PLAGL2: variants seen among roughly 807,000 people sequenced by gnomAD.
PLAGL2 encodes zinc finger protein PLAGL2.
Under a neutral mutation model 29.0 loss-of-function variants are expected in PLAGL2, and 7 were observed. That is an observed-to-expected ratio of 0.24 (90% CI 0.14 to 0.45). The LOEUF (loss-of-function observed/expected upper bound fraction) is 0.45, where lower values mean the gene tolerates loss of function less well. Ranked by LOEUF, PLAGL2 falls within the 20% of genes least tolerant of loss-of-function variation. The pLI is 0.99. For missense variants in PLAGL2, 454 were observed against 648.2 expected (o/e 0.70, Z 3.25); for synonymous variants, 234 against 266.0 (o/e 0.88, Z 1.17).
intron 2 of PLAGL2, among the ~76,000 whole-genome samples, chr20:32,201,707 G>A (rs1376283321): frequency 6.6e-6 from 1 of 152,220 alleles, no homozygotes; most frequent in Admixed American, 6.5e-5. Flanking sequence ...AATACTTTGG[G>A]GAGGCAACCC....
At position 32,193,623 on chromosome 20, in the gene PLAGL2, T is replaced by C. The variant is rs1274698527; in HGVS notation, c.*2829A>G. On this transcript the variant is annotated 3_prime_UTR_variant, in exon 3 of 3. Transcript: ENST00000246229. Reference sequence around the variant, plus strand: ...CATCACTTTTTTTCCTGGTCCCTCATTGGTCTTTGTCATATGCCATGGCTC... The same window carrying C: ...CATCACTTTTTTTCCTGGTCCCTCACTGGTCTTTGTCATATGCCATGGCTC... 1 of 152,278 alleles carries C rather than the reference T, an allele frequency of 6.6e-6. No homozygotes were observed. Among genetic ancestry groups the C allele is most frequent in the Non-Finnish European group, 1.5e-5 (1 of 68,122 alleles). 9.4% of individuals were successfully genotyped at this position (152,278 alleles called of 1,614,324 possible).
At position 32,193,321 on chromosome 20, in the gene PLAGL2, A is replaced by C. The variant is rs537402084; in HGVS notation, c.*3131T>G. ...CCAACTTAGGACAATATCTACGAGC[A>C]AAAAAGTAATCACACCTGCTTCCCG... is the stretch of plus-strand genomic sequence containing the variant. On this transcript the variant is annotated 3_prime_UTR_variant, in exon 3 of 3. Coordinates refer to ENST00000246229, the MANE Select transcript of PLAGL2 (RefSeq NM_002657.3). 2 of 152,298 alleles carry C rather than the reference A, an allele frequency of 1.3e-5. No homozygotes were observed. The highest frequency in any genetic ancestry group is 4.1e-4 in the South Asian group (2 of 4,826). The allele number at this position is 152,298 out of a possible 1,614,324, so 9.4% of individuals were successfully genotyped here.
At chr20:32,205,460 G>C (rs1048650735) in intron 1 of PLAGL2, among the ~76,000 whole-genome samples, 1 of 151,974 alleles carries the variant, frequency 6.6e-6, no homozygotes, top group Non-Finnish European at 1.5e-5. Flanking sequence ...GTATTATTAG[G>C]GCTCCATATC....
intron 2 of PLAGL2, among the ~76,000 whole-genome samples, chr20:32,199,689 T>C (rs2047248975): frequency 6.6e-6 from 1 of 151,842 alleles, no homozygotes; most frequent in Non-Finnish European, 1.5e-5. Flanking sequence ...CATGCAAAAA[T>C]TAGCGGGTGT....
intron 2 of PLAGL2, among the ~76,000 whole-genome samples, chr20:32,199,083 T>C (rs1338552472): frequency 1.3e-5 from 2 of 152,164 alleles, no homozygotes; most frequent in Non-Finnish European, 2.9e-5. Context: ...AGCTGTGTCA[T>C]TAACCTTGAT....
Position 32,196,336 on chromosome 20 carries a change from T to A in PLAGL2, c.*116A>T, listed in dbSNP as rs1244836638. The A allele has an allele frequency of 4.1e-6, 2 of 484,032 alleles. No homozygotes were observed. The highest frequency in any genetic ancestry group is 2.1e-5 in the African/African-American group (1 of 48,222). 30.0% of individuals were successfully genotyped at this position (484,032 alleles called of 1,614,324 possible). ...GTGCTCCTGTATACAGACACTGGAA[T>A]TTTTTTTTTTGAACCCAGCTCTGAA... On this transcript the variant is annotated 3_prime_UTR_variant, in exon 3 of 3. Transcript: ENST00000246229.
intron 2 of PLAGL2, among the ~76,000 whole-genome samples, chr20:32,199,923 C>T (rs1365070079): frequency 1.3e-5 from 2 of 152,106 alleles, no homozygotes; most frequent in Non-Finnish European, 2.9e-5. Flanking sequence ...AGAATCTAAG[C>T]ACTCCTGAGG....
At position 32,195,574 on chromosome 20, in the gene PLAGL2, G is replaced by A. The variant is rs1289347165; in HGVS notation, c.*878C>T. On this transcript the variant is annotated 3_prime_UTR_variant, in exon 3 of 3. Transcript: ENST00000246229. ...TTGCCTGTCTTCTGTGGATACCGCC[G>A]AGGCAGGCAGGAACAAATGCAGTCA... 3 of 152,676 alleles carry A rather than the reference G, an allele frequency of 2.0e-5. No homozygotes were observed. Among genetic ancestry groups the A allele is most frequent in the Non-Finnish European group, 2.9e-5 (2 of 68,064 alleles). The allele number at this position is 152,676 out of a possible 1,614,324, so 9.5% of individuals were successfully genotyped here. A position where few individuals can be genotyped will look rare whatever the true frequency, so the allele number is the denominator to read the frequency against.
At chr20:32,200,571 G>A (rs751402484) in intron 2 of PLAGL2, among the ~76,000 whole-genome samples, 3 of 151,604 alleles carry the variant, frequency 2.0e-5, no homozygotes, top group Admixed American at 6.6e-5. Flanking sequence ...CCTCTAATGC[G>A]AAAAGGATAA....
In PLAGL2 at chr20:32,197,564, G is replaced by C. The variant is rs774355442; in HGVS notation, c.379C>G (p.Leu127Val). ...TTCTTACCGCACTCAGAGCAGTGGA[G>C]GGCCTCTTTGTTAGGATCATGGGTC... ...LQTHDPNKEALHCSECGKNYN... is the reference protein window; with the variant it reads ...LQTHDPNKEAVHCSECGKNYN... The change falls in exon 3 of 3, where the codon CTC (leucine) becomes GTC (valine). Residue 127 changes from leucine (L) to valine (V), a missense_variant. Physicochemically the swap from Leu to Val is conservative, Grantham distance 32. This residue lies in a region of PLAGL2 where 111 missense variants were observed against 173.1 expected (regional missense o/e 0.64). Transcript: ENST00000246229. The surrounding 1 kb of genome is among the most constrained non-coding windows in gnomAD (Gnocchi z 6.6). 6 of 1,614,246 alleles carry C rather than the reference G, an allele frequency of 3.7e-6. No individual in the cohort carries two copies. The highest frequency in any genetic ancestry group is 5.1e-6 in the Non-Finnish European group (6 of 1,180,054).
At chr20:32,205,404 G>A (rs920889396) in intron 1 of PLAGL2, among the ~76,000 whole-genome samples, 2 of 151,988 alleles carry the variant, frequency 1.3e-5, no homozygotes, top group Admixed American at 6.6e-5. Context: ...CATCTCCTGG[G>A]CCAGAGTTCT....
At chr20:32,206,285 A>T (rs1011721972) in intron 1 of PLAGL2, among the ~76,000 whole-genome samples, 5 of 151,752 alleles carry the variant, frequency 3.3e-5, no homozygotes, top group African/African-American at 4.8e-5. Context: ...GTGGTGGGAG[A>T]ATTAAATTAC....
chr20:32,199,116 A>T (rs977471372), intron 2 of PLAGL2, among the ~76,000 whole-genome samples: 1 of 151,716 alleles, frequency 6.6e-6, no homozygotes, highest in Non-Finnish European at 1.5e-5. Context: ...AAAGGAGTCT[A>T]AAAAAAAGGC....
chr20:32,196,234 G>A lies in PLAGL2; in HGVS notation c.*218C>T. 1 of 391,086 alleles carries A rather than the reference G, an allele frequency of 2.6e-6. No individual in the cohort carries two copies. Among genetic ancestry groups the A allele is most frequent in the Non-Finnish European group, 4.5e-6 (1 of 221,522 alleles). 24.2% of individuals were successfully genotyped at this position (391,086 alleles called of 1,614,324 possible). A position where few individuals can be genotyped will look rare whatever the true frequency, so the allele number is the denominator to read the frequency against. ...AAGTAAATAATACCTGAAGTCCTAC[G>A]GTATGAGATCTTTTCACGGGGTTGG... On this transcript the variant is annotated 3_prime_UTR_variant, in exon 3 of 3. Transcript: ENST00000246229.
At position 32,197,367 on chromosome 20, in the gene PLAGL2, G is replaced by A. The variant is rs750351410; in HGVS notation, c.576C>T (p.Pro192=). 3 of 1,608,532 alleles carry A rather than the reference G, an allele frequency of 1.9e-6. No homozygotes were observed. Among genetic ancestry groups the A allele is most frequent in the South Asian group, 1.1e-5 (1 of 90,412 alleles). The change falls in exon 3 of 3, where the codon CCC becomes CCT. Residue 192 remains proline (P), a synonymous_variant. Transcript: ENST00000246229. The surrounding 1 kb of genome is among the most constrained non-coding windows in gnomAD (Gnocchi z 6.6). The part of the protein sequence containing the change: ...VAGGAKEKKH[P]CDHCDRRFYT... Reference sequence around the variant, plus strand: ...AGAACCGCCGGTCGCAGTGGTCACAGGGGTGCTTCTTCTCCTTGGCACCGC... The same window carrying A: ...AGAACCGCCGGTCGCAGTGGTCACAAGGGTGCTTCTTCTCCTTGGCACCGC...
rs1423020440 is a variant in PLAGL2 at position 32,195,260 on chromosome 20, CTCT to C, written c.*1189_*1191del. 2.6e-5 allele frequency: 4 copies of C among 152,582 alleles called. No individual in the cohort carries two copies. The highest frequency in any genetic ancestry group is 6.5e-5 in the Admixed American group (1 of 15,288). The allele number at this position is 152,582 out of a possible 1,614,324, so 9.5% of individuals were successfully genotyped here. A position where few individuals can be genotyped will look rare whatever the true frequency, so the allele number is the denominator to read the frequency against. ...CTACCCATTCCTAACCTTCTGCAAACTCTTCTTCCAACAATTCCACAACTTCCC... is the reference window on the plus strand; with the variant it reads ...CTACCCATTCCTAACCTTCTGCAAACTCTTCCAACAATTCCACAACTTCCC... On this transcript the variant is annotated 3_prime_UTR_variant, in exon 3 of 3. Coordinates refer to ENST00000246229, the MANE Select transcript of PLAGL2 (RefSeq NM_002657.3).
intron 1 of PLAGL2, among the ~76,000 whole-genome samples, chr20:32,204,291 G>C (rs1600378217): frequency 6.6e-6 from 1 of 152,116 alleles, no homozygotes; most frequent in Non-Finnish European, 1.5e-5. Context: ...CCTAGCCCTG[G>C]AAACTCCACA....
At chr20:32,203,493 C>A (rs925281587) in intron 1 of PLAGL2, among the ~76,000 whole-genome samples, 1 of 152,214 alleles carries the variant, frequency 6.6e-6, no homozygotes, top group Admixed American at 6.5e-5. Context: ...AGATTACCAA[C>A]CACGATGCAA....
rs1286206825 is a variant in PLAGL2, at chr20:32,192,939, G to T, written c.*3513C>A. The T allele has an allele frequency of 2.0e-5, 3 of 152,548 alleles. No homozygotes were observed. Among genetic ancestry groups the T allele is most frequent in the African/African-American group, 7.2e-5 (3 of 41,412 alleles). 9.4% of individuals were successfully genotyped at this position (152,548 alleles called of 1,614,324 possible). On this transcript the variant is annotated 3_prime_UTR_variant, in exon 3 of 3. Coordinates refer to ENST00000246229, the MANE Select transcript of PLAGL2 (RefSeq NM_002657.3). ...CCAAACCCCTCTATGGAGGCACTAG[G>T]TTATCATGGTGAACACCCTTTTCCC...
Sources: gnomAD v4.1 joint callset for allele counts (sites outside exome capture counted in the v4.1 genomes callset) on GRCh38, gnomAD v4.1.1 for gene constraint, gnomAD v4.1.1 regional missense constraint, Gnocchi (gnomAD v3.1) non-coding constraint, MANE v1.5 for transcripts, NCBI Gene and HGNC (gene_info 2026-07-23, HGNC 2026-07-21) for gene names.